RNF216: variants seen among roughly 807,000 people sequenced by gnomAD.
RNF216 encodes the protein E3 ubiquitin-protein ligase RNF216.
RNF216 carries 72 observed loss-of-function variants against 110.8 expected under a neutral mutation model. The ratio of observed to expected loss-of-function variants is 0.65; its 90% CI spans 0.54 to 0.79. The LOEUF (loss-of-function observed/expected upper bound fraction) is 0.79. Ranked by LOEUF, RNF216 falls within the 30% of genes least tolerant of loss-of-function variation. The pLI is 0.00. For missense variants in RNF216, 1,342 were observed against 1,141.2 expected, an observed-to-expected ratio of 1.18 and a Z score of -2.54; for synonymous variants, 495 against 407.5, an observed-to-expected ratio of 1.21 and a Z score of -2.59.
chr7:5,691,113 A>G (rs575597865), intron 13 of RNF216, among the ~76,000 whole-genome samples: 1 of 152,176 alleles, frequency 6.6e-6, no homozygotes, highest in Non-Finnish European at 1.5e-5. Context: ...GTTCCGACAG[A>G]AGCACACCCA....
At chr7:5,745,671 GGGT>G (rs1193007437) in intron 3 of RNF216, among the ~76,000 whole-genome samples, 1 of 151,918 alleles carries the variant, frequency 6.6e-6, no homozygotes, top group Non-Finnish European at 1.5e-5. Flanking sequence ...AGGCTGAGGT[GGGT>G]GGATAACTTG....
chr7:5,741,422 G>C lies in RNF216; in HGVS notation c.595C>G (p.Gln199Glu). The C allele has an allele frequency of 6.2e-7, 1 of 1,614,182 alleles. No individual in the cohort carries two copies. The highest frequency in any genetic ancestry group is 1.1e-5 in the South Asian group (1 of 91,086). The stretch of plus-strand genomic sequence containing the variant: ...TCTGTCTCTGAGTCTTCGGATGACT[G>C]GTTCTGAGTTTCCAAAGGATCGCTT... ...TESDPLETQN[Q>E]SSEDSETELL... The change falls in exon 4 of 17, where the codon CAG becomes GAG. Residue 199 changes from glutamine to glutamate, a missense_variant. Coordinates refer to ENST00000389902, the MANE Select transcript of RNF216 (RefSeq NM_207111.4).
At position 5,624,168 on chromosome 7, in the gene RNF216, C is replaced by T. The variant is rs377645168; in HGVS notation, c.2383-43G>A. The T allele has an allele frequency of 1.7e-4, 269 of 1,555,852 alleles. No homozygotes were observed. Among genetic ancestry groups the T allele is most frequent in the African/African-American group, 2.8e-4 (21 of 73,956 alleles). On this transcript the variant is annotated intron_variant, in intron 15 of 16. Transcript: ENST00000389902. This position sits in a 1 kb window ranked among gnomAD's most constrained non-coding sequence, Gnocchi z 4.4. ...AGAAGGATGAACCTGTAGCTTCATG[C>T]AGTGCTGAGGCCCCGTGGGACAGTG...
chr7:5,760,681 T>C (rs1795887415), intron 2 of RNF216, among the ~76,000 whole-genome samples: 1 of 152,168 alleles, frequency 6.6e-6, no homozygotes, highest in Non-Finnish European at 1.5e-5. Context: ...CATAAAGGCC[T>C]AGTGGAGCAC....
intron 13 of RNF216, among the ~76,000 whole-genome samples, chr7:5,653,864 C>A (rs1157206273): frequency 6.6e-6 from 1 of 152,090 alleles, no homozygotes; most frequent in African/African-American, 2.4e-5. Flanking sequence ...AAGACTCTGG[C>A]AGGCAAAGCC....
chr7:5,720,604 A>T (rs951965142), intron 9 of RNF216, among the ~76,000 whole-genome samples: 3 of 152,184 alleles, frequency 2.0e-5, no homozygotes, highest in East Asian at 3.8e-4. Flanking sequence ...TAGCATAGTT[A>T]TAAGAGGTTT....
chr7:5,684,081 C>T (rs945592921), intron 13 of RNF216, among the ~76,000 whole-genome samples: 1 of 143,386 alleles, frequency 7.0e-6, no homozygotes, highest in African/African-American at 2.5e-5. Context: ...AGTGTTTCCA[C>T]AAGCTGGGCC....
At chr7:5,736,969 C>G (rs953129078) in intron 5 of RNF216, among the ~76,000 whole-genome samples, 1 of 151,308 alleles carries the variant, frequency 6.6e-6, no homozygotes, top group Non-Finnish European at 1.5e-5. Flanking sequence ...CCCGGCTGCC[C>G]CTTCTGGGAA....
chr7:5,636,435 A>C (rs1787400938), intron 15 of RNF216, among the ~76,000 whole-genome samples: 1 of 152,204 alleles, frequency 6.6e-6, no homozygotes, highest in Admixed American at 6.5e-5. Flanking sequence ...TCAGGTTCCC[A>C]AGCAATCCCT....
chr7:5,750,101 T>A (rs1332916087), intron 3 of RNF216, among the ~76,000 whole-genome samples: 1 of 152,270 alleles, frequency 6.6e-6, no homozygotes, highest in African/African-American at 2.4e-5. Flanking sequence ...ATTATTTGCA[T>A]ATCTGTCCTT....
At position 5,669,221 on chromosome 7, in the gene RNF216, A is replaced by G. The variant is rs967686223; in HGVS notation, c.2062-16711T>C. On this transcript the variant is annotated intron_variant, in intron 13 of 16. Transcript: ENST00000389902. ...CTACTAAGCAGAGTTGCATCTGACA[A>G]GATCTCTGATTCCGACACATAGTAA... 2.0e-5 allele frequency among the ~76,000 whole-genome samples: 3 copies of G among 152,210 alleles called. No individual in the cohort carries two copies. The South Asian group carries it at 6.2e-4, about 32-fold the overall frequency.
At position 5,715,079 on chromosome 7, in the gene RNF216, G is replaced by C. The variant is rs776665586; in HGVS notation, c.1807C>G (p.Gln603Glu). Residue 603 changes from glutamine to glutamate, a missense_variant, in exon 11 of 17, where the codon CAA (glutamine) becomes GAA (glutamate). Coordinates refer to ENST00000389902, the MANE Select transcript of RNF216 (RefSeq NM_207111.4). ...FCKECLIRYA[Q>E]EAVFGSGKLE... ...TTTCCAGATCCAAAGACTGCCTCTT[G>C]GGCATATCTGATGAGACACTCTTTG... 2.5e-6 allele frequency: 4 copies of C among 1,613,658 alleles called. No individual in the cohort carries two copies. The highest frequency in any genetic ancestry group is 1.1e-5 in the South Asian group (1 of 91,062).
At position 5,627,176 on chromosome 7, in the gene RNF216, G is replaced by C. The variant is rs574070877; in HGVS notation, c.2383-3051C>G. Among the ~76,000 whole-genome samples, 29 of 152,308 alleles carry C rather than the reference G, an allele frequency of 1.9e-4. No homozygotes were observed. In the South Asian group the frequency reaches 5.6e-3, roughly 29 times the overall value. On this transcript the variant is annotated intron_variant, in intron 15 of 16. Coordinates refer to ENST00000389902, the MANE Select transcript of RNF216 (RefSeq NM_207111.4). ...ACTGAGGTCCCTGAGAAAGTACCTT[G>C]TTCAATGTTACGGCTAGTTGGCGGT...
chr7:5,781,381 A>G (rs1335326304), intron 1 of RNF216, among the ~76,000 whole-genome samples, 160 bp downstream of exon 1: 1 of 150,842 alleles, frequency 6.6e-6, no homozygotes, highest in Non-Finnish European at 1.5e-5. Flanking sequence ...CCTTGGCCCG[A>G]TCCCGCCCGG....
Position 5,635,680 on chromosome 7 carries a change from G to C in RNF216, c.2382+5474C>G, listed in dbSNP as rs567568407. On this transcript the variant is annotated intron_variant, in intron 15 of 16. Transcript: ENST00000389902. Reference sequence around the variant, plus strand: ...GAGAAGGCAGGCCTGGGAATACTCCGAGGACAAATGACCCGGGTGGAAACC... The same window carrying C: ...GAGAAGGCAGGCCTGGGAATACTCCCAGGACAAATGACCCGGGTGGAAACC... Among the ~76,000 whole-genome samples the C allele has an allele frequency of 5.3e-5, 8 of 152,160 alleles. No individual in the cohort carries two copies. The East Asian group carries it at 1.2e-3, about 22-fold the overall frequency.
At chr7:5,663,476 C>T (rs975841707) in intron 13 of RNF216, among the ~76,000 whole-genome samples, 4 of 149,044 alleles carry the variant, frequency 2.7e-5, no homozygotes, top group South Asian at 2.1e-4. Context: ...CCCAGCTACT[C>T]GGGAGGCTGA....
chr7:5,779,806 G>A (rs1409317427), intron 1 of RNF216, among the ~76,000 whole-genome samples: 1 of 112,628 alleles, frequency 8.9e-6, no homozygotes, highest in Non-Finnish European at 1.7e-5. Flanking sequence ...TTTAGCCTGG[G>A]AAATACAGCC....
chr7:5,647,328 CTTTTTTTTTTTTTT>C, intron 14 of RNF216, among the ~76,000 whole-genome samples: 1 of 94,812 alleles, frequency 1.1e-5, no homozygotes, highest in East Asian at 3.9e-4. Context: ...TTCTTTCTTT[CTTTTTTTTTTTTTT>C]TTTTTTTTTG....
At chr7:5,675,016 AAT>A (rs930525573) in intron 13 of RNF216, among the ~76,000 whole-genome samples, 5 of 151,758 alleles carry the variant, frequency 3.3e-5, no homozygotes, top group African/African-American at 1.2e-4. Flanking sequence ...ACAAACAAAC[AAT>A]ATATATATAT....
Sources: allele counts gnomAD v4.1 joint callset (sites outside exome capture counted in the v4.1 genomes callset), GRCh38; gene constraint gnomAD v4.1.1; non-coding constraint Gnocchi (gnomAD v3.1); transcripts MANE v1.5; gene names NCBI Gene and HGNC (gene_info 2026-07-23, HGNC 2026-07-21).